The following FOXP2 variants were observed in gnomAD, a reference collection of about 807,000 sequenced individuals.
The protein encoded by FOXP2 is forkhead box P2.
In FOXP2, 12 loss-of-function variants were observed where a neutral mutation model predicts 115.8. The ratio of observed to expected loss-of-function variants is 0.10; its 90% CI spans 0.07 to 0.17. The LOEUF is 0.17. FOXP2 is among the 10% of genes least tolerant of loss of function. The pLI, the probability that FOXP2 is intolerant of heterozygous loss-of-function variation, is 1.00. For missense variants in FOXP2, 629 were observed against 843.5 expected (o/e 0.75, Z 3.15); for synonymous variants, 328 against 297.7 (o/e 1.10, Z -1.05).
Position 114,689,908 on chromosome 7 carries a change from A to T in FOXP2, c.2130A>T (p.Leu710Phe). 6.2e-7 allele frequency: 1 copy of T among 1,613,290 alleles called. No homozygotes were observed. Among genetic ancestry groups the T allele is most frequent in the Non-Finnish European group, 8.5e-7 (1 of 1,179,456 alleles). Reference sequence around the variant, plus strand: ...ACAGAGAGATTGAAGAAGAGCCTTTATCTGAAGATCTGGAATGAGAACTGA... The same window carrying T: ...ACAGAGAGATTGAAGAAGAGCCTTTTTCTGAAGATCTGGAATGAGAACTGA... ...EDDREIEEEP[L>F]SEDLE Residue 710 changes from leucine to phenylalanine, a missense_variant, in exon 17 of 17, where the codon TTA becomes TTT. Leu to Phe is a conservative substitution (Grantham distance 22). Around this residue, in one of 9 missense-constraint regions of FOXP2, gnomAD observed 117 missense variants for 112.3 expected, o/e 1.04. Transcript: ENST00000350908.
intron 3 of FOXP2, among the ~76,000 whole-genome samples, chr7:114,597,298 T>A (rs1802779028): frequency 6.6e-6 from 1 of 152,106 alleles, no homozygotes; most frequent in Non-Finnish European, 1.5e-5. Flanking sequence ...TCTTCATACT[T>A]ATACAGTTCT....
chr7:114,493,079 G>A (rs1797143756), intron 2 of FOXP2, among the ~76,000 whole-genome samples: 1 of 152,132 alleles, frequency 6.6e-6, no homozygotes, highest in African/African-American at 2.4e-5. Context: ...CTTGCTTTAC[G>A]AATCTGGGTG....
At chr7:114,579,569 C>T (rs1421027256) in intron 3 of FOXP2, among the ~76,000 whole-genome samples, 2 of 151,596 alleles carry the variant, frequency 1.3e-5, no homozygotes, top group Non-Finnish European at 2.9e-5. Context: ...TTTTTTCTGT[C>T]CCCCCATAGC....
At chr7:114,559,167 T>G (rs928270915) in intron 3 of FOXP2, among the ~76,000 whole-genome samples, 2 of 152,186 alleles carry the variant, frequency 1.3e-5, no homozygotes, top group African/African-American at 4.8e-5. Flanking sequence ...CCTCATGCTC[T>G]CTCAAAATAT....
intron 1 of FOXP2, among the ~76,000 whole-genome samples, chr7:114,214,043 CTG>C (rs2129162317): frequency 6.6e-6 from 1 of 152,310 alleles, no homozygotes; most frequent in Admixed American, 6.5e-5. Context: ...ATTTATTAAA[CTG>C]TAATTTTTCT....
At position 114,221,276 on chromosome 7, in the gene FOXP2, G is replaced by T. The variant is rs568164316; in HGVS notation, c.-102+58188G>T. On this transcript the variant is annotated intron_variant, in intron 1 of 17. Transcript: ENST00000634411. Reference sequence around the variant, plus strand: ...ATGGGTAAAAACAGTTTACTTTGTGGTTTTTTTATTTTATGACACAATTTT... The same window carrying T: ...ATGGGTAAAAACAGTTTACTTTGTGTTTTTTTTATTTTATGACACAATTTT... 3.2e-3 allele frequency among the ~76,000 whole-genome samples: 486 copies of T among 152,012 alleles called. 4 individuals are homozygous for T. Among genetic ancestry groups the T allele is most frequent in the African/African-American group, 0.011 (468 of 41,452 alleles).
chr7:114,293,129 AT>A (rs1019467706), intron 2 of FOXP2, among the ~76,000 whole-genome samples: 16 of 152,046 alleles, frequency 1.1e-4, no homozygotes, highest in Admixed American at 7.9e-4. Context: ...ACTCCATTAT[AT>A]TTTTTCCCCC....
At chr7:114,171,885 T>C (rs935229649) in intron 1 of FOXP2, among the ~76,000 whole-genome samples, 1 of 151,964 alleles carries the variant, frequency 6.6e-6, no homozygotes, top group African/African-American at 2.4e-5. Context: ...TTAACAGGAG[T>C]TGGAAGAAAT....
intron 2 of FOXP2, among the ~76,000 whole-genome samples, chr7:114,487,152 G>T (rs111549411): frequency 6.6e-6 from 1 of 152,110 alleles, no homozygotes; most frequent in Non-Finnish European, 1.5e-5. Context: ...AGAAATTTGC[G>T]TACATCCTCT....
chr7:114,631,647 G>A lies in FOXP2; in HGVS notation c.717G>A (p.Gln239=). 1 of 1,614,088 alleles carries A rather than the reference G, an allele frequency of 6.2e-7. No homozygotes were observed. Among genetic ancestry groups the A allele is most frequent in the Non-Finnish European group, 8.5e-7 (1 of 1,180,018 alleles). ...QQQHLLSLQR[Q]GLISIPPGQA... is the part of the protein sequence containing the mutation. ...AGCATCTGCTCAGCCTTCAGCGTCA[G>A]GGACTCATCTCCATTCCACCTGGCC... The change falls in exon 6 of 17, where the codon CAG becomes CAA. Residue 239 remains glutamine, a synonymous_variant. Transcript: ENST00000350908.
At chr7:114,302,945 T>C (rs1241805501) in intron 2 of FOXP2, among the ~76,000 whole-genome samples, 1 of 152,104 alleles carries the variant, frequency 6.6e-6, no homozygotes, top group African/African-American at 2.4e-5. Context: ...GACAATCAAG[T>C]GAGCTTAGAA....
intron 2 of FOXP2, among the ~76,000 whole-genome samples, chr7:114,509,524 A>C (rs1721028117): frequency 6.6e-6 from 1 of 152,006 alleles, no homozygotes; most frequent in African/African-American, 2.4e-5. Context: ...TACATTTTGA[A>C]GGTTTTGTTA....
chr7:114,237,260 A>C (rs1795033852), intron 1 of FOXP2, among the ~76,000 whole-genome samples: 1 of 152,192 alleles, frequency 6.6e-6, no homozygotes, highest in Non-Finnish European at 1.5e-5. Flanking sequence ...TAAAGTGTTG[A>C]AGGTACAATA....
chr7:114,252,506 C>G (rs1795477841), intron 1 of FOXP2, among the ~76,000 whole-genome samples: 1 of 152,104 alleles, frequency 6.6e-6, no homozygotes, highest in African/African-American at 2.4e-5. Context: ...CAACTTCTTC[C>G]TGGTTTAGTC....
chr7:114,271,561 T>A (rs1796042479), intron 1 of FOXP2, among the ~76,000 whole-genome samples: 1 of 127,284 alleles, frequency 7.9e-6, no homozygotes, highest in Non-Finnish European at 1.6e-5. Context: ...TAATATATAA[T>A]ATATAATATA....
chr7:114,510,569 T>C (rs1347930552), intron 2 of FOXP2, among the ~76,000 whole-genome samples: 1 of 152,196 alleles, frequency 6.6e-6, no homozygotes, highest in Non-Finnish European at 1.5e-5. Context: ...AGATTTACCA[T>C]AGACAAATGT....
chr7:114,263,128 C>A (rs1302734649), intron 1 of FOXP2, among the ~76,000 whole-genome samples: 2 of 152,148 alleles, frequency 1.3e-5, no homozygotes, highest in African/African-American at 4.8e-5. Context: ...CATTGTCAAT[C>A]CTTTTGTCCT....
chr7:114,413,769 C>A (rs1196923636), upstream of FOXP2, among the ~76,000 whole-genome samples: 1 of 152,124 alleles, frequency 6.6e-6, no homozygotes, highest in East Asian at 1.9e-4. Flanking sequence ...AAATGTGCAA[C>A]AAAAGTAGTG....
intron 2 of FOXP2, among the ~76,000 whole-genome samples, chr7:114,428,207 A>G (rs1461996832): frequency 6.6e-6 from 1 of 151,626 alleles, no homozygotes; most frequent in Non-Finnish European, 1.5e-5. Flanking sequence ...AGTAATTGTA[A>G]ATGAACATCG....
Sources: allele counts gnomAD v4.1 joint callset (sites outside exome capture counted in the v4.1 genomes callset), GRCh38; gene constraint gnomAD v4.1.1; regional missense constraint gnomAD v4.1.1; transcripts MANE v1.5; gene names NCBI Gene and HGNC (gene_info 2026-07-23, HGNC 2026-07-21).